Variants in WDR70 observed in about 807,000 individuals in gnomAD.
WDR70 encodes the protein WD repeat domain 70, also known as WD repeat-containing protein 70.
In WDR70, 53 loss-of-function variants were observed where a neutral mutation model predicts 88.6. The ratio of observed to expected loss-of-function variants is 0.60; its 90% CI spans 0.48 to 0.75. The LOEUF (loss-of-function observed/expected upper bound fraction) is 0.75. Among genes scored for constraint, WDR70 ranks in the 30% least tolerant of loss-of-function variants. The pLI is 0.00. For synonymous variants in WDR70, 280 were observed against 270.0 expected (o/e 1.04, Z -0.36); for missense variants, 610 against 823.2 (o/e 0.74, Z 3.17).
intron 9 of WDR70, among the ~76,000 whole-genome samples, chr5:37,561,767 C>A (rs1742511902): frequency 6.6e-6 from 1 of 152,142 alleles, no homozygotes; most frequent in Admixed American, 6.5e-5. Context: ...TGACTTACTG[C>A]TTTTTAGTAG....
At chr5:37,626,893 A>T (rs1037474147) in intron 10 of WDR70, among the ~76,000 whole-genome samples, 2 of 152,016 alleles carry the variant, frequency 1.3e-5, no homozygotes, top group Non-Finnish European at 1.5e-5. Flanking sequence ...TAAATTTTCA[A>T]ATTTATTGGC....
At chr5:37,602,471 G>T (rs1206257382) in intron 9 of WDR70, among the ~76,000 whole-genome samples, 3 of 151,720 alleles carry the variant, frequency 2.0e-5, no homozygotes, top group Admixed American at 6.6e-5. Context: ...GCCAGGCAAG[G>T]TGGCGGGCGC....
rs1173123314 is a variant in WDR70, at chr5:37,491,903, A to G, written c.840+11916A>G. Among the ~76,000 whole-genome samples the G allele has an allele frequency of 2.6e-5, 4 of 152,194 alleles. No individual in the cohort carries two copies. The East Asian group carries it at 7.7e-4, about 29-fold the overall frequency. On this transcript the variant is annotated intron_variant, in intron 8 of 17. Coordinates refer to ENST00000265107, the MANE Select transcript of WDR70 (RefSeq NM_018034.4). ...TTTCCATTTTCTAAATATTTACAGA[A>G]ACTTTAATAGAAACTTCTTAACATT...
At chr5:37,727,264 G>C (rs2112706522) in intron 17 of WDR70, among the ~76,000 whole-genome samples, 1 of 152,230 alleles carries the variant, frequency 6.6e-6, no homozygotes, top group Non-Finnish European at 1.5e-5. Context: ...CATCAGAGTT[G>C]TAGCATAGTG....
At chr5:37,525,267 A>T (rs1438240710) in intron 9 of WDR70, among the ~76,000 whole-genome samples, 2 of 152,340 alleles carry the variant, frequency 1.3e-5, no homozygotes, top group East Asian at 3.9e-4. Context: ...AACAGAAATT[A>T]TAAAAAACCG....
chr5:37,438,116 A>C (rs1302366652), intron 6 of WDR70, 135 bp downstream of exon 6: 1 of 601,258 alleles, frequency 1.7e-6, no homozygotes, highest in Non-Finnish European at 2.5e-6. Context: ...CATTAAGGAA[A>C]AATAGATTAC....
intron 9 of WDR70, among the ~76,000 whole-genome samples, chr5:37,563,080 A>C (rs1178900508): frequency 4.7e-4 from 23 of 48,526 alleles, no homozygotes; most frequent in Admixed American, 6.9e-4. Flanking sequence ...CGGGGGGCTG[A>C]CCCCCCCCGC....
intron 7 of WDR70, among the ~76,000 whole-genome samples, chr5:37,448,253 C>T (rs1161570771): frequency 1.3e-5 from 2 of 152,032 alleles, no homozygotes; most frequent in Non-Finnish European, 2.9e-5. Flanking sequence ...TTTGACATGA[C>T]CTTATTAGTC....
At chr5:37,651,871 T>C (rs1745419337) in intron 10 of WDR70, among the ~76,000 whole-genome samples, 1 of 152,230 alleles carries the variant, frequency 6.6e-6, no homozygotes, top group Non-Finnish European at 1.5e-5. Context: ...CTTTGTCAGA[T>C]GGATAGATTG....
At chr5:37,627,334 T>C (rs548489373) in intron 10 of WDR70, among the ~76,000 whole-genome samples, 1 of 152,218 alleles carries the variant, frequency 6.6e-6, no homozygotes, top group African/African-American at 2.4e-5. Context: ...TTCTCAAACG[T>C]GTGGGCTCAA....
intron 17 of WDR70, among the ~76,000 whole-genome samples, chr5:37,746,042 A>G (rs1013476538): frequency 3.3e-5 from 5 of 152,228 alleles, no homozygotes; most frequent in Non-Finnish European, 7.3e-5. Context: ...GCTCCTCAGC[A>G]AATGCAAAAT....
At chr5:37,524,313 G>A (rs1003166083) in intron 9 of WDR70, among the ~76,000 whole-genome samples, 1 of 152,184 alleles carries the variant, frequency 6.6e-6, no homozygotes, top group Admixed American at 6.5e-5. Context: ...AGAAGAGAGT[G>A]GGGGTCAATA....
chr5:37,677,394 A>G (rs1422196410), intron 10 of WDR70, among the ~76,000 whole-genome samples: 1 of 152,126 alleles, frequency 6.6e-6, no homozygotes, highest in Non-Finnish European at 1.5e-5. Context: ...TTCCCTCTCC[A>G]TACTGCTTTG....
intron 8 of WDR70, among the ~76,000 whole-genome samples, chr5:37,515,459 C>A (rs1740858505): frequency 6.6e-6 from 1 of 152,162 alleles, no homozygotes. Context: ...CTCAGACTTG[C>A]CGTCTAGTCC....
chr5:37,517,438 G>A (rs1740923002), intron 9 of WDR70, among the ~76,000 whole-genome samples: 1 of 150,978 alleles, frequency 6.6e-6, no homozygotes, highest in African/African-American at 2.4e-5. Context: ...CACGATCTCA[G>A]CTCACTGCAG....
chr5:37,730,520 A>T (rs963918238), intron 17 of WDR70, among the ~76,000 whole-genome samples: 1 of 151,980 alleles, frequency 6.6e-6, no homozygotes, highest in African/African-American at 2.4e-5. Context: ...CAGTTCTTGG[A>T]GCTCACTGTC....
intron 13 of WDR70, among the ~76,000 whole-genome samples, chr5:37,715,559 C>G (rs1226612793): frequency 1.3e-5 from 2 of 152,100 alleles, no homozygotes; most frequent in Non-Finnish European, 2.9e-5. Context: ...GCTTACTCAC[C>G]ATGTTTGCTT....
chr5:37,428,245 T>G (rs907923470), intron 5 of WDR70, among the ~76,000 whole-genome samples: 3 of 152,178 alleles, frequency 2.0e-5, no homozygotes, highest in African/African-American at 4.8e-5. Flanking sequence ...TCTGCAGATA[T>G]CAGCAAAAAA....
intron 9 of WDR70, among the ~76,000 whole-genome samples, chr5:37,525,264 A>G (rs1741229643): frequency 6.6e-6 from 1 of 152,214 alleles, no homozygotes. Flanking sequence ...AAGAACAGAA[A>G]TTATAAAAAA....
Sources: allele counts gnomAD v4.1 joint callset (sites outside exome capture counted in the v4.1 genomes callset), GRCh38; gene constraint gnomAD v4.1.1; transcripts MANE v1.5; gene names NCBI Gene and HGNC (gene_info 2026-07-23, HGNC 2026-07-21).